GNAI1: variants seen among roughly 807,000 people sequenced by gnomAD.
GNAI1 encodes G protein subunit alpha i1.
In GNAI1, 11 loss-of-function variants were observed where a neutral mutation model predicts 38.9. The ratio of observed to expected loss-of-function variants is 0.28; its 90% confidence interval spans 0.18 to 0.47. The LOEUF (loss-of-function observed/expected upper bound fraction) is 0.47. GNAI1 is among the 20% of genes least tolerant of loss of function. The pLI is 0.99. For synonymous variants in GNAI1, 166 were observed against 145.1 expected (o/e 1.14, Z -1.04); for missense variants, 317 against 436.9 (o/e 0.73, Z 2.45).
At chr7:80,137,890 C>G (rs535917140) in intron 1 of GNAI1, among the ~76,000 whole-genome samples, 2 of 152,290 alleles carry the variant, frequency 1.3e-5, no homozygotes, top group Admixed American at 6.5e-5. Context: ...TCCAGAAATT[C>G]AATTCTTGGA....
At chr7:80,166,674 A>T (rs1788014627) in intron 1 of GNAI1, among the ~76,000 whole-genome samples, 1 of 152,212 alleles carries the variant, frequency 6.6e-6, no homozygotes, top group Non-Finnish European at 1.5e-5. Flanking sequence ...CCTTAAAATG[A>T]CATGGGTGCT....
intron 1 of GNAI1, among the ~76,000 whole-genome samples, chr7:80,144,537 C>T (rs1485440795): frequency 2.0e-5 from 3 of 152,162 alleles, no homozygotes; most frequent in Non-Finnish European, 4.4e-5. Flanking sequence ...TTAAGACTTA[C>T]ATCTTCAGTT....
Position 80,225,523 on chromosome 7 carries a change from C to G in GNAI1, c.*8030C>G, listed in dbSNP as rs1789145259. Among the ~76,000 whole-genome samples, 1 of 152,014 alleles carries G rather than the reference C, an allele frequency of 6.6e-6. No homozygotes were observed. The highest frequency in any genetic ancestry group is 1.5e-5 in the Non-Finnish European group (1 of 68,020). ...CAAATTCCTTTCTTTCTCCACACCTCCCACAGGACTGGGCTGAGCACAGTC... is the reference window on the plus strand; with the variant it reads ...CAAATTCCTTTCTTTCTCCACACCTGCCACAGGACTGGGCTGAGCACAGTC... On this transcript the variant is annotated 3_prime_UTR_variant, in exon 8 of 8. Transcript: ENST00000649796.
chr7:80,146,960 CTTGTT>C (rs908413510), intron 1 of GNAI1, among the ~76,000 whole-genome samples: 3 of 152,130 alleles, frequency 2.0e-5, no homozygotes, highest in African/African-American at 4.8e-5. Flanking sequence ...AATCTAGAAA[CTTGTT>C]TTAGTAGTGC....
intron 1 of GNAI1, among the ~76,000 whole-genome samples, chr7:80,181,553 G>A (rs561703793): frequency 6.6e-6 from 1 of 151,710 alleles, no homozygotes; most frequent in Non-Finnish European, 1.5e-5. Context: ...GAAACATTTT[G>A]TCTGTCAGTT....
chr7:80,167,509 G>A (rs540782359), intron 1 of GNAI1, among the ~76,000 whole-genome samples: 45 of 152,154 alleles, frequency 3.0e-4, no homozygotes, highest in African/African-American at 8.2e-4. Flanking sequence ...ATAATATTCC[G>A]AAACAAAATT....
At chr7:80,171,744 G>A (rs947024396) in intron 1 of GNAI1, among the ~76,000 whole-genome samples, 1 of 152,122 alleles carries the variant, frequency 6.6e-6, no homozygotes, top group African/African-American at 2.4e-5. Context: ...AAATTTCAGT[G>A]TCTTAGTTAC....
At chr7:80,191,937 C>G (rs1393881997) in intron 3 of GNAI1, among the ~76,000 whole-genome samples, 6 of 152,028 alleles carry the variant, frequency 3.9e-5, no homozygotes, top group Non-Finnish European at 8.8e-5. Context: ...TTGTCTTTTT[C>G]TAGTTTTTTT....
intron 1 of GNAI1, among the ~76,000 whole-genome samples, chr7:80,188,540 T>G (rs1457393856): frequency 6.6e-6 from 1 of 152,222 alleles, no homozygotes; most frequent in Non-Finnish European, 1.5e-5. Context: ...TTTATTTATT[T>G]GTTTTAAAGT....
At chr7:80,206,224 C>CA (rs1788774605) in intron 5 of GNAI1, among the ~76,000 whole-genome samples, 1 of 152,020 alleles carries the variant, frequency 6.6e-6, no homozygotes, top group Admixed American at 6.6e-5. Flanking sequence ...TACTTCTCTC[C>CA]AAAAAACAAA....
chr7:80,176,673 C>T (rs1013138768), intron 1 of GNAI1, among the ~76,000 whole-genome samples: 9 of 152,150 alleles, frequency 5.9e-5, no homozygotes, highest in African/African-American at 1.7e-4. Context: ...TGGTGGCTCA[C>T]GCCTGTAATG....
At chr7:80,197,740 A>G (rs777056520) in intron 3 of GNAI1, among the ~76,000 whole-genome samples, 1 of 152,078 alleles carries the variant, frequency 6.6e-6, no homozygotes, top group Non-Finnish European at 1.5e-5. Context: ...AGGGAAGCAT[A>G]TGCTTGAATA....
At chr7:80,200,180 C>T (rs993507756) in intron 4 of GNAI1, among the ~76,000 whole-genome samples, 1 of 151,380 alleles carries the variant, frequency 6.6e-6, no homozygotes, top group African/African-American at 2.4e-5. Flanking sequence ...AAAAATTAGC[C>T]AGTCATGATG....
intron 3 of GNAI1, among the ~76,000 whole-genome samples, chr7:80,194,005 C>A (rs1788526071): frequency 6.6e-6 from 1 of 152,064 alleles, no homozygotes; most frequent in Admixed American, 6.6e-5. Flanking sequence ...TTTTCTGTTC[C>A]AATAACTTTG....
chr7:80,157,808 A>G (rs540187692), intron 1 of GNAI1, among the ~76,000 whole-genome samples: 2 of 152,132 alleles, frequency 1.3e-5, no homozygotes, highest in South Asian at 4.2e-4. Context: ...CCAGATTCAA[A>G]CAATTCTCCT....
chr7:80,138,884 C>G (rs1787473112), intron 1 of GNAI1, among the ~76,000 whole-genome samples: 1 of 151,998 alleles, frequency 6.6e-6, no homozygotes, highest in Non-Finnish European at 1.5e-5. Flanking sequence ...TGGATTTCTT[C>G]TGTTTGGTGG....
intron 1 of GNAI1, among the ~76,000 whole-genome samples, chr7:80,149,238 T>C (rs1213020901): frequency 2.6e-5 from 4 of 152,154 alleles, no homozygotes; most frequent in Admixed American, 2.6e-4. Context: ...TTTACAGATA[T>C]TCCATAATTT....
Position 80,220,033 on chromosome 7 carries a change from A to C in GNAI1, c.*2540A>C, listed in dbSNP as rs1337328398. Reference sequence around the variant, plus strand: ...ACCTCCCATTTCTCTCTTCTCGAAAAACCCAGGTTAGTTATCCTAATGTAG... The same window carrying C: ...ACCTCCCATTTCTCTCTTCTCGAAACACCCAGGTTAGTTATCCTAATGTAG... On this transcript the variant is annotated 3_prime_UTR_variant, in exon 8 of 8. Transcript: ENST00000649796. Among the ~76,000 whole-genome samples the C allele has an allele frequency of 2.6e-5, 4 of 152,134 alleles. No homozygotes were observed. Among genetic ancestry groups the C allele is most frequent in the Non-Finnish European group, 4.4e-5 (3 of 68,030 alleles).
chr7:80,148,568 T>C (rs946965373), intron 1 of GNAI1, among the ~76,000 whole-genome samples: 2 of 151,998 alleles, frequency 1.3e-5, no homozygotes. Flanking sequence ...TTAGAGCATC[T>C]GAATGATTTT....
Sources: allele counts gnomAD v4.1 joint callset (sites outside exome capture counted in the v4.1 genomes callset), GRCh38; gene constraint gnomAD v4.1.1; transcripts MANE v1.5; gene names NCBI Gene and HGNC (gene_info 2026-07-23, HGNC 2026-07-21).